The following ABCC1 variants were observed in gnomAD, a reference collection of about 807,000 sequenced individuals.
The protein encoded by ABCC1 is ATP binding cassette subfamily C member 1 (ABCC1 blood group).
A neutral mutation model predicts 172.9 loss-of-function variants in ABCC1; 83 were observed. The observed-to-expected ratio is 0.48, with a 90% CI of 0.40 to 0.58. The LOEUF (loss-of-function observed/expected upper bound fraction) is 0.58. ABCC1 is among the 20% of genes least tolerant of loss of function. The pLI is 0.00. For synonymous variants in ABCC1, 937 were observed against 825.2 expected, an observed-to-expected ratio of 1.14 and a Z score of -2.32; for missense variants, 1,817 against 2,002.7, an observed-to-expected ratio of 0.91 and a Z score of 1.77.
At chr16:16,117,306 T>C (rs749926744) in intron 23 of ABCC1, among the ~76,000 whole-genome samples, 7 of 152,214 alleles carry the variant, frequency 4.6e-5, no homozygotes, top group Non-Finnish European at 8.8e-5. Context: ...GGGAGCCCCC[T>C]TATAAAACCA....
intron 28 of ABCC1, among the ~76,000 whole-genome samples, chr16:16,135,734 G>C (rs372762906): frequency 6.6e-6 from 1 of 152,154 alleles, no homozygotes; most frequent in African/African-American, 2.4e-5. Flanking sequence ...GGGATTACAG[G>C]GGTGAGCCAA....
intron 18 of ABCC1, among the ~76,000 whole-genome samples, chr16:16,089,044 C>T (rs985229073): frequency 6.6e-6 from 1 of 152,138 alleles, no homozygotes; most frequent in African/African-American, 2.4e-5. Context: ...TGCTTCAACT[C>T]GGCAGGGCTG....
At chr16:16,136,750 C>G in intron 29 of ABCC1, 106 bp downstream of exon 29, 8 of 1,313,868 alleles carry the variant, frequency 6.1e-6, no homozygotes, top group Non-Finnish European at 8.2e-6. Context: ...GATTTGAGTC[C>G]CAGATGACCA....
At chr16:16,015,709 A>G (rs912209679) in intron 4 of ABCC1, among the ~76,000 whole-genome samples, 5 of 152,116 alleles carry the variant, frequency 3.3e-5, no homozygotes, top group African/African-American at 1.2e-4. Context: ...TTTGGATTGG[A>G]GACTCGTTGG....
chr16:16,068,427 C>A, intron 13 of ABCC1, 125 bp downstream of exon 13: 1 of 1,089,546 alleles, frequency 9.2e-7, no homozygotes, highest in Non-Finnish European at 1.3e-6. Flanking sequence ...GAGGCCCGGA[C>A]AAAGGCTGCC....
chr16:16,058,173 G>T (rs1235274644), intron 12 of ABCC1, among the ~76,000 whole-genome samples: 3 of 152,156 alleles, frequency 2.0e-5, no homozygotes, highest in Non-Finnish European at 4.4e-5. Flanking sequence ...AATTTGCAAA[G>T]TTGGCCGCAA....
At position 16,141,353 on chromosome 16, in the gene ABCC1, CT is replaced by C. The variant is rs2046120397; in HGVS notation, c.*73del. Reference sequence around the variant, plus strand: ...AGCGCCCAGGGAGGAGTCAGTACCCCTGGTAAACCAAGCCTCCCACACTGAA... The same window carrying C: ...AGCGCCCAGGGAGGAGTCAGTACCCCGGTAAACCAAGCCTCCCACACTGAA... On this transcript the variant is annotated 3_prime_UTR_variant, in exon 31 of 31. Transcript: ENST00000399410. The C allele has an allele frequency of 4.2e-6, 6 of 1,415,104 alleles. No homozygotes were observed. The highest frequency in any genetic ancestry group is 5.9e-6 in the Non-Finnish European group (6 of 1,013,826). 87.7% of individuals were successfully genotyped at this position (1,415,104 alleles called of 1,614,324 possible).
intron 13 of ABCC1, among the ~76,000 whole-genome samples, chr16:16,070,585 A>C (rs1350885734): frequency 6.6e-6 from 1 of 151,566 alleles, no homozygotes; most frequent in Non-Finnish European, 1.5e-5. Context: ...GAATGTTGTG[A>C]ACCCGGGAGG....
intron 1 of ABCC1, among the ~76,000 whole-genome samples, chr16:15,952,433 T>C (rs2045894218): frequency 1.3e-5 from 2 of 152,000 alleles, no homozygotes; most frequent in Admixed American, 6.6e-5. Context: ...CAGAGCTTTG[T>C]TTCTGGGCTA....
intron 20 of ABCC1, among the ~76,000 whole-genome samples, chr16:16,104,123 T>TAA (rs1488696700): frequency 6.6e-6 from 1 of 152,146 alleles, no homozygotes; most frequent in East Asian, 1.9e-4. Context: ...TGGTGAGTGT[T>TAA]ACAGCTCACA....
rs112720075 is a variant in ABCC1 at position 16,140,774 on chromosome 16, G to A, written c.4488-399G>A. ...CACACTATAAATACAGCAGAGATGC[G>A]TAGTTGTAACAGAAAGCATATGGCC... On this transcript the variant is annotated intron_variant, in intron 30 of 30. Transcript: ENST00000399410. 2.6e-5 allele frequency among the ~76,000 whole-genome samples: 4 copies of A among 152,312 alleles called. 1 individual carries two copies. The highest frequency in any genetic ancestry group is 7.2e-5 in the African/African-American group (3 of 41,570).
At chr16:16,010,129 A>G (rs539578591) in intron 3 of ABCC1, among the ~76,000 whole-genome samples, 23 of 141,382 alleles carry the variant, frequency 1.6e-4, no homozygotes, top group African/African-American at 6.2e-4. Context: ...CTGCAGCCTC[A>G]AACTTCTGGC....
intron 15 of ABCC1, 48 bp from the exon 16 acceptor site, chr16:16,079,304 G>T (rs2050711937): frequency 6.2e-7 from 1 of 1,604,630 alleles, no homozygotes; most frequent in Non-Finnish European, 8.5e-7. Context: ...CATTAGCCCG[G>T]CAGGCCTCAT....
At chr16:16,002,062 A>G (rs368311639) in intron 1 of ABCC1, among the ~76,000 whole-genome samples, 9 of 152,158 alleles carry the variant, frequency 5.9e-5, no homozygotes, top group Admixed American at 2.0e-4. Context: ...GTGAAATTCA[A>G]TTGTTTATTC....
intron 1 of ABCC1, among the ~76,000 whole-genome samples, chr16:15,959,214 G>T (rs1347732173): frequency 6.6e-6 from 1 of 152,204 alleles, no homozygotes; most frequent in Non-Finnish European, 1.5e-5. Context: ...GAAACTTGCG[G>T]CAGTTTCTTT....
rs762722945 is a variant in ABCC1 at position 16,102,675 on chromosome 16, A to G, written c.2693A>G (p.Asn898Ser). ...GGGAAGGAAGCAAAGCAAATGGAGA[A>G]TGGCATGCTGGTGACGGACAGTGCA... Reference protein sequence around the residue: ...GPGKEAKQMENGMLVTDSAGK... With the variant: ...GPGKEAKQMESGMLVTDSAGK... Residue 898 changes from asparagine to serine, a missense_variant, in exon 20 of 31, where the codon AAT becomes AGT. Asn to Ser is a conservative substitution (Grantham distance 46). Transcript: ENST00000399410. The G allele has an allele frequency of 2.4e-5, 39 of 1,592,244 alleles. No individual in the cohort carries two copies. The highest frequency in any genetic ancestry group is 3.3e-5 in the Non-Finnish European group (39 of 1,169,332).
chr16:16,104,321 G>A (rs1229811305), intron 20 of ABCC1, among the ~76,000 whole-genome samples: 1 of 152,134 alleles, frequency 6.6e-6, no homozygotes. Flanking sequence ...GAGCCGATTG[G>A]TCTGTTTTTA....
At chr16:16,010,425 T>G (rs934445530) in intron 3 of ABCC1, among the ~76,000 whole-genome samples, 78 of 152,280 alleles carry the variant, frequency 5.1e-4, no homozygotes, top group Non-Finnish European at 1.5e-4. Flanking sequence ...TGCCACTGAT[T>G]GAGTGGCAGA....
At chr16:16,028,177 C>A (rs773454619) in intron 5 of ABCC1, among the ~76,000 whole-genome samples, 15 of 152,192 alleles carry the variant, frequency 9.9e-5, no homozygotes, top group Non-Finnish European at 1.8e-4. Flanking sequence ...CTACCTCAAC[C>A]CTCAGTGATT....
Sources: gnomAD v4.1 joint callset for allele counts (sites outside exome capture counted in the v4.1 genomes callset) on GRCh38, gnomAD v4.1.1 for gene constraint, MANE v1.5 for transcripts, NCBI Gene and HGNC (gene_info 2026-07-23, HGNC 2026-07-21) for gene names.